Variants in PCDHA13 observed in about 807,000 individuals in gnomAD.
PCDHA13 encodes protocadherin alpha 13, also known as protocadherin alpha-13.
In PCDHA13, 54 loss-of-function variants were observed where a neutral mutation model predicts 64.8. The observed-to-expected ratio is 0.83, with a 90% CI of 0.67 to 1.04. The LOEUF (loss-of-function observed/expected upper bound fraction) is 1.04. PCDHA13 is among the 50% of genes least tolerant of loss of function. The pLI, the probability that PCDHA13 is intolerant of heterozygous loss-of-function variation, is 0.00. For synonymous variants in PCDHA13, 587 were observed against 564.4 expected (o/e 1.04, Z -0.57); for missense variants, 1,248 against 1,254.3 (o/e 0.99, Z 0.08).
At chr5:140,998,645 A>T (rs1020510258) in intron 3 of PCDHA13, among the ~76,000 whole-genome samples, 12 of 151,600 alleles carry the variant, frequency 7.9e-5, no homozygotes, top group Non-Finnish European at 1.6e-4. Context: ...GCTCACTGCA[A>T]CCTCTGCCTC....
intron 3 of PCDHA13, 123 bp downstream of exon 3, chr5:140,982,686 C>T: frequency 2.8e-6 from 4 of 1,418,870 alleles, no homozygotes; most frequent in Non-Finnish European, 3.7e-6. Context: ...TCCCTTTTTT[C>T]CATACATACA....
intron 1 of PCDHA13, among the ~76,000 whole-genome samples, chr5:140,893,338 T>A (rs1409461265): frequency 1.3e-5 from 2 of 152,174 alleles, no homozygotes; most frequent in Non-Finnish European, 2.9e-5. Flanking sequence ...TTTTCCTTAG[T>A]GGCAGTGCTA....
chr5:140,918,111 C>T (rs1035723043), intron 1 of PCDHA13, among the ~76,000 whole-genome samples: 1 of 152,016 alleles, frequency 6.6e-6, no homozygotes, highest in Non-Finnish European at 1.5e-5. Flanking sequence ...CTTTCACATC[C>T]TTGATTAGCC....
chr5:140,982,300 GCTT>G, intron 2 of PCDHA13, 172 bp from the exon 3 acceptor site: 2 of 1,204,624 alleles, frequency 1.7e-6, no homozygotes, highest in Non-Finnish European at 1.1e-6. Context: ...AGTCAGCAAT[GCTT>G]CTGCAGTTTA....
At chr5:140,955,096 T>G (rs1366148224) in intron 1 of PCDHA13, among the ~76,000 whole-genome samples, 1 of 152,178 alleles carries the variant, frequency 6.6e-6, no homozygotes, top group Non-Finnish European at 1.5e-5. Flanking sequence ...GTGTGTGGTG[T>G]TATTTCTGAG....
chr5:140,914,944 CTT>C (rs35695909), intron 1 of PCDHA13, among the ~76,000 whole-genome samples: 2,964 of 128,208 alleles, frequency 0.023, 99 homozygotes, highest in African/African-American at 0.077. Flanking sequence ...GAAAAGTTGT[CTT>C]TTTTTTTTTT....
chr5:140,995,794 CAT>C (rs1407600046), intron 3 of PCDHA13, among the ~76,000 whole-genome samples: 65 of 152,208 alleles, frequency 4.3e-4, no homozygotes, highest in African/African-American at 1.5e-3. Flanking sequence ...AAATTTGTCT[CAT>C]GTTAGTTTCT....
intron 1 of PCDHA13, among the ~76,000 whole-genome samples, chr5:140,945,003 C>A (rs2093723763): frequency 6.6e-6 from 1 of 152,064 alleles, no homozygotes; most frequent in South Asian, 2.1e-4. Flanking sequence ...GGTTGTGGGT[C>A]ATGAATTATT....
chr5:140,997,380 C>T (rs1554255860), intron 3 of PCDHA13, among the ~76,000 whole-genome samples: 1 of 152,112 alleles, frequency 6.6e-6, no homozygotes. Flanking sequence ...ATATAGCATA[C>T]TACACACTTA....
Position 140,982,534 on chromosome 5 carries a change from A to G in PCDHA13, c.2513A>G (p.Gln838Arg), listed in dbSNP as rs1554244431. Residue 838 changes from glutamine (Q) to arginine (R), a missense_variant, in exon 3 of 4, where the codon CAG becomes CGG. By Grantham distance (43) the Gln-to-Arg change is conservative. Transcript: ENST00000289272. ...GCTGGTCCAGGAGGGCCTGATCAGC[A>G]GTGGCCAACAGTATCCAGTGCAACA... ...LRAGPGGPDQ[Q>R]WPTVSSATPE... 1 of 1,614,222 alleles carries G rather than the reference A, an allele frequency of 6.2e-7. No homozygotes were observed. Among genetic ancestry groups the G allele is most frequent in the Non-Finnish European group, 8.5e-7 (1 of 1,180,036 alleles).
intron 1 of PCDHA13, chr5:140,928,426 TC>T (rs781827449): frequency 1.9e-6 from 3 of 1,614,134 alleles, no homozygotes; most frequent in South Asian, 2.2e-5. Context: ...TGCCAAAACT[TC>T]CTTTGACTTT....
intron 1 of PCDHA13, among the ~76,000 whole-genome samples, chr5:140,973,394 A>C (rs1263015635): frequency 6.6e-6 from 1 of 152,244 alleles, no homozygotes; most frequent in African/African-American, 2.4e-5. Flanking sequence ...CAAAGAAATC[A>C]TATCTATGAG....
intron 1 of PCDHA13, among the ~76,000 whole-genome samples, chr5:140,909,254 G>A (rs915513119): frequency 6.6e-6 from 1 of 152,334 alleles, no homozygotes; most frequent in East Asian, 1.9e-4. Context: ...TGCTGGCCTT[G>A]CTGACTGAAG....
intron 3 of PCDHA13, among the ~76,000 whole-genome samples, chr5:141,005,512 G>C (rs1015892170): frequency 6.6e-6 from 1 of 151,536 alleles, no homozygotes; most frequent in Non-Finnish European, 1.5e-5. Flanking sequence ...GACCATCCTG[G>C]CTAACACGGT....
chr5:140,890,386 A>T (rs905205351), intron 1 of PCDHA13, among the ~76,000 whole-genome samples: 1 of 152,202 alleles, frequency 6.6e-6, no homozygotes, highest in African/African-American at 2.4e-5. Context: ...TCTTTCTTAG[A>T]TAATCTATAA....
At chr5:140,923,966 C>T (rs1422839186) in intron 1 of PCDHA13, among the ~76,000 whole-genome samples, 3 of 152,188 alleles carry the variant, frequency 2.0e-5, no homozygotes, top group Non-Finnish European at 4.4e-5. Flanking sequence ...AATCTATACC[C>T]ACACATACTA....
intron 3 of PCDHA13, 128 bp downstream of exon 3, chr5:140,982,691 C>T: frequency 7.1e-7 from 1 of 1,408,152 alleles, no homozygotes; most frequent in Non-Finnish European, 9.3e-7. Context: ...TTTTTCCATA[C>T]ATACATGATT....
chr5:140,912,122 C>A (rs1008861945), intron 1 of PCDHA13, among the ~76,000 whole-genome samples: 1 of 152,194 alleles, frequency 6.6e-6, no homozygotes, highest in Admixed American at 6.5e-5. Context: ...GAGGCTAAGT[C>A]AGTCTAATCT....
chr5:140,899,101 G>T (rs1554188394), intron 1 of PCDHA13, among the ~76,000 whole-genome samples: 5 of 152,096 alleles, frequency 3.3e-5, no homozygotes, highest in Non-Finnish European at 7.4e-5. Context: ...CTGAGATAAT[G>T]GGGTTTTCTA....
Sources: allele counts gnomAD v4.1 joint callset (sites outside exome capture counted in the v4.1 genomes callset), GRCh38; gene constraint gnomAD v4.1.1; transcripts MANE v1.5; gene names NCBI Gene and HGNC (gene_info 2026-07-23, HGNC 2026-07-21).